Variants in ANKIB1 observed in about 807,000 individuals in gnomAD.
The protein encoded by ANKIB1 is ankyrin repeat and IBR domain-containing protein 1.
Under a neutral mutation model 122.1 loss-of-function variants are expected in ANKIB1, and 43 were observed. That is an observed-to-expected ratio of 0.35 (90% CI 0.28 to 0.45). The LOEUF (loss-of-function observed/expected upper bound fraction) is 0.45. Among genes scored for constraint, ANKIB1 ranks in the 20% least tolerant of loss-of-function variants. ANKIB1 has a pLI of 1.00. For missense variants in ANKIB1, 992 were observed against 1,329.5 expected (o/e 0.75, Z 3.95); for synonymous variants, 390 against 442.0 (o/e 0.88, Z 1.48).
chr7:92,308,297 T>C lies in ANKIB1; in HGVS notation c.486+641T>C, dbSNP rs539800292. On this transcript the variant is annotated intron_variant, in intron 3 of 19. Transcript: ENST00000265742. Reference sequence around the variant, plus strand: ...AAATTTGTTGATATCTCTTAAGATATTGGTCATCAATTAAGCACTATCGTA... The same window carrying C: ...AAATTTGTTGATATCTCTTAAGATACTGGTCATCAATTAAGCACTATCGTA... Among the ~76,000 whole-genome samples the C allele has an allele frequency of 2.6e-5, 4 of 152,298 alleles. No individual in the cohort carries two copies. In the South Asian group the frequency reaches 6.2e-4, roughly 24 times the overall value.
At chr7:92,374,965 G>A (rs980346637) in intron 11 of ANKIB1, among the ~76,000 whole-genome samples, 4 of 152,078 alleles carry the variant, frequency 2.6e-5, no homozygotes, top group African/African-American at 9.7e-5. Flanking sequence ...CTGTGGTCCA[G>A]TTCCAGACCA....
chr7:92,371,790 C>CA (rs1432494328), intron 11 of ANKIB1, among the ~76,000 whole-genome samples, 183 bp downstream of exon 11: 1 of 151,840 alleles, frequency 6.6e-6, no homozygotes, highest in East Asian at 1.9e-4. Context: ...CCAGCCTGGG[C>CA]AAAACACCAA....
chr7:92,329,000 C>G (rs532751889), intron 5 of ANKIB1, among the ~76,000 whole-genome samples: 1 of 147,830 alleles, frequency 6.8e-6, no homozygotes, highest in Non-Finnish European at 1.5e-5. Context: ...CAGAGTCTTG[C>G]TCTGTTGCCC....
At chr7:92,391,393 A>G (rs148313546) in intron 16 of ANKIB1, 49 bp downstream of exon 16, 4 of 1,405,522 alleles carry the variant, frequency 2.8e-6, no homozygotes, top group Non-Finnish European at 3.8e-6. Context: ...AGCCACAAAT[A>G]CCAGCAGTTT....
At chr7:92,303,659 T>G (rs1290345706) in intron 2 of ANKIB1, among the ~76,000 whole-genome samples, 1 of 151,942 alleles carries the variant, frequency 6.6e-6, no homozygotes, top group Non-Finnish European at 1.5e-5. Flanking sequence ...TGAAAAAAAT[T>G]AAGAGGATTA....
At chr7:92,306,004 G>C (rs1486115451) in intron 2 of ANKIB1, among the ~76,000 whole-genome samples, 2 of 151,912 alleles carry the variant, frequency 1.3e-5, no homozygotes, top group East Asian at 3.9e-4. Flanking sequence ...TTTGCTCAGG[G>C]ATAGATTCTT....
chr7:92,257,383 A>G (rs1801470458), intron 1 of ANKIB1, among the ~76,000 whole-genome samples: 1 of 152,176 alleles, frequency 6.6e-6, no homozygotes, highest in Non-Finnish European at 1.5e-5. Context: ...TCTTTTTTCT[A>G]TATTTATAAG....
chr7:92,385,494 A>G (rs1804616966), intron 11 of ANKIB1, among the ~76,000 whole-genome samples: 1 of 152,250 alleles, frequency 6.6e-6, no homozygotes, highest in Non-Finnish European at 1.5e-5. Flanking sequence ...ATGTCCATCA[A>G]TGATAGACTG....
chr7:92,288,097 A>G (rs1340014583), intron 1 of ANKIB1, among the ~76,000 whole-genome samples: 1 of 151,776 alleles, frequency 6.6e-6, no homozygotes, highest in Non-Finnish European at 1.5e-5. Context: ...ACTTTAGACA[A>G]TCCCAAAAAA....
chr7:92,274,069 G>C (rs1254347731), intron 1 of ANKIB1, among the ~76,000 whole-genome samples: 5 of 152,122 alleles, frequency 3.3e-5, no homozygotes, highest in African/African-American at 1.2e-4. Flanking sequence ...ACCACTACCT[G>C]TGGCCTCAGA....
intron 2 of ANKIB1, among the ~76,000 whole-genome samples, chr7:92,299,484 G>A (rs2131925277): frequency 6.6e-6 from 1 of 152,206 alleles, no homozygotes; most frequent in South Asian, 2.1e-4. Context: ...TTTTGGTATA[G>A]TATCAAATAT....
At chr7:92,321,571 TAAAG>T (rs983037194) in intron 4 of ANKIB1, among the ~76,000 whole-genome samples, 21 of 152,338 alleles carry the variant, frequency 1.4e-4, no homozygotes, top group African/African-American at 5.0e-4. Context: ...AGATATTTCT[TAAAG>T]AAATTATAAC....
chr7:92,381,876 A>G (rs1804523526), intron 11 of ANKIB1, among the ~76,000 whole-genome samples: 2 of 152,228 alleles, frequency 1.3e-5, no homozygotes, highest in Admixed American at 6.5e-5. Context: ...GACAAGATCA[A>G]ATTCACACAT....
chr7:92,261,183 A>G (rs1801554418), intron 1 of ANKIB1, among the ~76,000 whole-genome samples: 1 of 151,734 alleles, frequency 6.6e-6, no homozygotes, highest in African/African-American at 2.4e-5. Context: ...CCCCGTCTCT[A>G]CTAAAAATAC....
chr7:92,282,238 C>G (rs1156373401), intron 1 of ANKIB1, among the ~76,000 whole-genome samples: 2 of 152,032 alleles, frequency 1.3e-5, no homozygotes, highest in African/African-American at 4.8e-5. Flanking sequence ...ACCACACCCT[C>G]CGCTCCCCAG....
In ANKIB1 at chr7:92,351,771, A is replaced by G. The variant is rs148924398; in HGVS notation, c.1230+677A>G. Among the ~76,000 whole-genome samples the G allele has an allele frequency of 4.3e-3, 551 of 128,998 alleles. 3 individuals carry two copies. The highest frequency in any genetic ancestry group is 5.0e-3 in the Non-Finnish European group (328 of 65,048). The allele number at this position is 128,998 out of a possible 152,430, so 84.6% of individuals were successfully genotyped here. A position where few individuals can be genotyped will look rare whatever the true frequency, so the allele number is the denominator to read the frequency against. ...AGTCTCATTCTGTCTCCCAGGCTGGAGTGCAGTGGTGTGGTCTCAGCTCAC... is the reference window on the plus strand; with the variant it reads ...AGTCTCATTCTGTCTCCCAGGCTGGGGTGCAGTGGTGTGGTCTCAGCTCAC... On this transcript the variant is annotated intron_variant, in intron 8 of 19. Coordinates refer to ENST00000265742, the MANE Select transcript of ANKIB1 (RefSeq NM_019004.2).
At chr7:92,377,326 C>T (rs1804404387) in intron 11 of ANKIB1, among the ~76,000 whole-genome samples, 1 of 152,062 alleles carries the variant, frequency 6.6e-6, no homozygotes, top group South Asian at 2.1e-4. Context: ...ACACATACAA[C>T]ATATATATAT....
chr7:92,309,942 A>ATATATATATATATATATATATATAT (rs1554338740), intron 3 of ANKIB1, among the ~76,000 whole-genome samples: 1 of 91,810 alleles, frequency 1.1e-5, no homozygotes, highest in African/African-American at 4.8e-5. Flanking sequence ...AAAAAAAAAA[A>ATATATATATATATATATATATATAT]ATATATATAT....
At chr7:92,356,712 A>G (rs560881469) in intron 9 of ANKIB1, among the ~76,000 whole-genome samples, 1 of 152,332 alleles carries the variant, frequency 6.6e-6, no homozygotes, top group East Asian at 1.9e-4. Flanking sequence ...CAGTCAACAT[A>G]CAGTGCAAGT....
Sources: allele counts gnomAD v4.1 joint callset (sites outside exome capture counted in the v4.1 genomes callset), GRCh38; gene constraint gnomAD v4.1.1; transcripts MANE v1.5; gene names NCBI Gene and HGNC (gene_info 2026-07-23, HGNC 2026-07-21).